RAD51B: variants seen among roughly 807,000 people sequenced by gnomAD.
RAD51B encodes DNA repair protein RAD51 homolog 2.
In RAD51B, 38 loss-of-function variants were observed where a neutral mutation model predicts 42.2. That is an observed-to-expected ratio of 0.90 (90% CI 0.70 to 1.18). The LOEUF (loss-of-function observed/expected upper bound fraction) is 1.18, where lower values mean the gene tolerates loss of function less well. Among genes scored for constraint, RAD51B ranks in the 50% most tolerant of loss-of-function variants. The probability of loss-of-function intolerance (pLI) is 0.00; values close to 1 mark genes in which losing one functional copy is unlikely to be tolerated. For missense variants in RAD51B, 373 were observed against 400.7 expected, an observed-to-expected ratio of 0.93 and a Z score of 0.59; for synonymous variants, 154 against 145.2, an observed-to-expected ratio of 1.06 and a Z score of -0.43.
intron 8 of RAD51B, among the ~76,000 whole-genome samples, chr14:68,364,139 C>T (rs1004086594): frequency 6.6e-6 from 1 of 152,214 alleles, no homozygotes; most frequent in Non-Finnish European, 1.5e-5. Flanking sequence ...CTCCATCCTC[C>T]CTGCTCTCCG....
intron 7 of RAD51B, among the ~76,000 whole-genome samples, chr14:67,890,090 T>G (rs1475917336): frequency 6.6e-6 from 1 of 152,208 alleles, no homozygotes; most frequent in Non-Finnish European, 1.5e-5. Context: ...CGAAAAAAAT[T>G]TAAATACTGC....
At chr14:68,085,572 A>C (rs1273993339) in intron 7 of RAD51B, among the ~76,000 whole-genome samples, 3 of 152,178 alleles carry the variant, frequency 2.0e-5, no homozygotes, top group African/African-American at 7.2e-5. Context: ...AGATTGTTTA[A>C]ATTAAAAAAG....
intron 5 of RAD51B, among the ~76,000 whole-genome samples, chr14:67,883,504 A>G (rs762365976): frequency 2.8e-4 from 42 of 152,126 alleles, no homozygotes; most frequent in Admixed American, 1.3e-4. Context: ...TGCACTTGTT[A>G]TAATTCTCTA....
intron 7 of RAD51B, among the ~76,000 whole-genome samples, chr14:68,085,918 G>A (rs934333282): frequency 2.0e-5 from 3 of 152,182 alleles, no homozygotes; most frequent in African/African-American, 7.2e-5. Context: ...CCATGGCAGC[G>A]TCTAGGGGTG....
chr14:68,336,023 G>A (rs1021117271), intron 8 of RAD51B, among the ~76,000 whole-genome samples: 3 of 152,138 alleles, frequency 2.0e-5, no homozygotes, highest in African/African-American at 7.2e-5. Context: ...TTTTATCTTG[G>A]ATAAGTTACT....
intron 7 of RAD51B, among the ~76,000 whole-genome samples, chr14:67,892,999 A>G (rs1299296593): frequency 3.3e-5 from 5 of 152,156 alleles, no homozygotes; most frequent in East Asian, 1.9e-4. Flanking sequence ...GTAATAAGCC[A>G]TAACTGTGAA....
chr14:67,840,355 C>G (rs1030902115), intron 4 of RAD51B, among the ~76,000 whole-genome samples: 4 of 152,152 alleles, frequency 2.6e-5, no homozygotes, highest in African/African-American at 4.8e-5. Flanking sequence ...CAATGTTTAG[C>G]TCCCACTTAT....
At chr14:68,624,453 G>A (rs746598255) in intron 10 of RAD51B, among the ~76,000 whole-genome samples, 5 of 152,104 alleles carry the variant, frequency 3.3e-5, no homozygotes, top group East Asian at 3.9e-4. Context: ...TAGCACTTCC[G>A]GGCCCTCGAT....
At chr14:68,184,033 C>G (rs1166845022) in intron 7 of RAD51B, among the ~76,000 whole-genome samples, 6 of 146,278 alleles carry the variant, frequency 4.1e-5, no homozygotes, top group Middle Eastern at 3.2e-3. Context: ...ACAGAGCTTG[C>G]AGTGAGCGGA....
At chr14:68,363,046 C>G (rs58339869) in intron 8 of RAD51B, among the ~76,000 whole-genome samples, 1 of 149,012 alleles carries the variant, frequency 6.7e-6, no homozygotes, top group Non-Finnish European at 1.5e-5. Context: ...ATAGGCGGAG[C>G]CTTTGTGCAC....
chr14:67,887,361 C>G, intron 7 of RAD51B, 157 bp downstream of exon 7: 1 of 532,042 alleles, frequency 1.9e-6, no homozygotes. Context: ...GCAAACATCG[C>G]CATCATCTTA....
At chr14:68,473,768 A>G (rs1168951857) in intron 10 of RAD51B, among the ~76,000 whole-genome samples, 1 of 152,176 alleles carries the variant, frequency 6.6e-6, no homozygotes, top group Admixed American at 6.5e-5. Flanking sequence ...CTTTGTACCT[A>G]TTCCTGGTCC....
intron 7 of RAD51B, among the ~76,000 whole-genome samples, chr14:68,286,033 A>G (rs747651644): frequency 6.6e-6 from 1 of 152,200 alleles, no homozygotes; most frequent in Non-Finnish European, 1.5e-5. Context: ...TAGCATCTTG[A>G]CCATCTTTCA....
intron 9 of RAD51B, among the ~76,000 whole-genome samples, chr14:68,449,559 G>A (rs747717140): frequency 1.3e-5 from 2 of 152,126 alleles, no homozygotes; most frequent in African/African-American, 2.4e-5. Context: ...TCTGAACAGT[G>A]AGACACCTTT....
At chr14:68,400,926 G>A (rs1039424264) in intron 8 of RAD51B, among the ~76,000 whole-genome samples, 1 of 152,080 alleles carries the variant, frequency 6.6e-6, no homozygotes, top group Non-Finnish European at 1.5e-5. Flanking sequence ...TAAGTAGAAG[G>A]TAGCAAGGGG....
intron 7 of RAD51B, among the ~76,000 whole-genome samples, chr14:67,923,629 T>C (rs1478257911): frequency 6.6e-6 from 1 of 152,218 alleles, no homozygotes; most frequent in African/African-American, 2.4e-5. Context: ...CCACTCGTTA[T>C]TGATGGGCAT....
In RAD51B at chr14:68,151,542, A is replaced by G. The variant is rs561497191; in HGVS notation, c.757-140342A>G. ...ATCTTTGGGGTCTCTTACTACACAT[A>G]TATAAAGCTAACTGAAATTGTCCCA... On this transcript the variant is annotated intron_variant, in intron 7 of 10. Transcript: ENST00000471583. Among the ~76,000 whole-genome samples the G allele has an allele frequency of 1.1e-4, 16 of 152,196 alleles. No homozygotes were observed. In the South Asian group the frequency reaches 2.9e-3, roughly 28 times the overall value.
chr14:68,022,128 T>C (rs913578147), intron 7 of RAD51B, among the ~76,000 whole-genome samples: 3 of 152,198 alleles, frequency 2.0e-5, no homozygotes, highest in Non-Finnish European at 2.9e-5. Context: ...GTTCCCATGT[T>C]TATGTTCATG....
At chr14:68,670,669 T>C (rs1893137221) in intron 11 of RAD51B, among the ~76,000 whole-genome samples, 1 of 152,230 alleles carries the variant, frequency 6.6e-6, no homozygotes, top group Non-Finnish European at 1.5e-5. Flanking sequence ...CCTCCTCTCA[T>C]GTGGAGAGCA....
Sources: allele counts gnomAD v4.1 joint callset (sites outside exome capture counted in the v4.1 genomes callset), GRCh38; gene constraint gnomAD v4.1.1; transcripts MANE v1.5; gene names NCBI Gene and HGNC (gene_info 2026-07-23, HGNC 2026-07-21).